Variants in NEBL observed in about 807,000 individuals in gnomAD.
NEBL encodes nebulette.
NEBL carries 122 observed loss-of-function variants against 140.2 expected under a neutral mutation model. The ratio of observed to expected loss-of-function variants is 0.87; its 90% CI spans 0.75 to 1.01. The LOEUF (loss-of-function observed/expected upper bound fraction) is 1.01. Among genes scored for constraint, NEBL ranks in the 50% least tolerant of loss-of-function variants. The pLI, the probability that NEBL is intolerant of heterozygous loss-of-function variation, is 0.00. For missense variants in NEBL, 1,365 were observed against 1,231.3 expected, an observed-to-expected ratio of 1.11 and a Z score of -1.62; for synonymous variants, 436 against 398.9, an observed-to-expected ratio of 1.09 and a Z score of -1.11.
At chr10:20,861,900 A>C (rs936275338) in intron 7 of NEBL, among the ~76,000 whole-genome samples, 4 of 152,198 alleles carry the variant, frequency 2.6e-5, no homozygotes, top group African/African-American at 9.6e-5. Flanking sequence ...TAAGTTAAAA[A>C]TGCACCATAT....
rs371620771 is a variant in NEBL at position 20,888,140 on chromosome 10, A to G, written c.326T>C (p.Ile109Thr). 93 of 1,613,948 alleles carry G rather than the reference A, an allele frequency of 5.8e-5. 2 individuals are homozygous for G. Among genetic ancestry groups the G allele is most frequent in the South Asian group, 3.7e-4 (34 of 91,086 alleles). The change falls in exon 4 of 28, where the codon ATT becomes ACT. Residue 109 changes from isoleucine (I) to threonine (T), a missense_variant. Ile to Thr is a moderately conservative substitution (Grantham distance 89, BLOSUM62 -1). Around this residue, in one of 2 missense-constraint regions of NEBL, gnomAD observed 1,323 missense variants for 1,154.8 expected, o/e 1.15. Transcript: ENST00000377122. ...NSLYKRMPAT[I>T]DSVFAGEVTQ... ...AACTTCTCCTGCAAAAACACTGTCA[A>G]TTGTGGCTGGCATCCGCTTATAAAG...
chr10:21,074,483 C>CTT (rs11345784), intron 2 of NEBL, among the ~76,000 whole-genome samples: 2 of 142,476 alleles, frequency 1.4e-5, no homozygotes, highest in Non-Finnish European at 1.5e-5. Flanking sequence ...GAATTTTTTT[C>CTT]TTTTTTTTTT....
chr10:21,166,113 C>G (rs623634), intron 2 of NEBL, among the ~76,000 whole-genome samples: 143,876 of 151,284 alleles, frequency 0.95, 68,494 homozygotes, highest in East Asian at 1. Flanking sequence ...CCAGCTACTC[C>G]GGAGGCTGAG....
In NEBL at chr10:20,802,768, CTG is replaced by C. The variant is rs1837236397; in HGVS notation, c.2761+5740_2761+5741del. 3.3e-5 allele frequency among the ~76,000 whole-genome samples: 5 copies of C among 152,264 alleles called. No individual in the cohort carries two copies. The South Asian group carries it at 1.0e-3, about 32-fold the overall frequency. On this transcript the variant is annotated intron_variant, in intron 26 of 27. Coordinates refer to ENST00000377122, the MANE Select transcript of NEBL (RefSeq NM_006393.3). ...ACTTACTCGAAAGAAGGAACGAAAA[CTG>C]TGACTCTCATAACTGCCCAAGTACT...
At chr10:20,804,622 G>A (rs552102930) in intron 26 of NEBL, 1 of 152,298 alleles carries the variant, frequency 6.6e-6, no homozygotes, top group Admixed American at 6.5e-5. Context: ...AAATATCTGG[G>A]GTGGCAGAAG....
intron 2 of NEBL, among the ~76,000 whole-genome samples, chr10:21,101,130 T>A (rs1366198065): frequency 1.3e-5 from 2 of 152,190 alleles, no homozygotes; most frequent in Non-Finnish European, 2.9e-5. Context: ...CCTAGCCACA[T>A]GACTCAAGTC....
rs1417415080 is a variant in NEBL, at chr10:21,166,237, AAAAAAAAAGAAAAG to A, written c.164+6132_164+6145del. On this transcript the variant is annotated intron_variant, in intron 2 of 6. Coordinates refer to the NEBL transcript ENST00000417816. ...TGTGTCTCAAAAAAAAAAAAAAAAAAAAAAAAAAGAAAAGAAAAAAAAATTTTCTACATCATGAT... is the reference window on the plus strand; with the variant it reads ...TGTGTCTCAAAAAAAAAAAAAAAAAAAAAAAAAAATTTTCTACATCATGAT... Among the ~76,000 whole-genome samples, 16 of 120,086 alleles carry A rather than the reference AAAAAAAAAGAAAAG, an allele frequency of 1.3e-4. 4 individuals carry two copies. Among genetic ancestry groups the A allele is most frequent in the African/African-American group, 6.7e-4 (16 of 23,976 alleles). 78.8% of individuals were successfully genotyped at this position (120,086 alleles called of 152,430 possible).
chr10:20,810,301 T>G lies in NEBL; in HGVS notation c.2519-403A>C, dbSNP rs117934241. ...AAGCAAAATGTTTGATTATAGTTTC[T>G]GATTCAGGACATGTGAGTAATTCAT... is the stretch of plus-strand genomic sequence containing the variant. On this transcript the variant is annotated intron_variant, in intron 24 of 27. Transcript: ENST00000377122. Among the ~76,000 whole-genome samples the G allele has an allele frequency of 3.1e-3, 467 of 152,322 alleles. 11 individuals are homozygous for G. In the East Asian group the frequency reaches 0.077, roughly 25 times the overall value.
intron 26 of NEBL, among the ~76,000 whole-genome samples, chr10:20,793,811 C>G (rs970684278): frequency 5.3e-5 from 8 of 152,200 alleles, no homozygotes; most frequent in African/African-American, 1.9e-4. Context: ...CCACCTTGGC[C>G]TCCCAAAATG....
chr10:21,241,818 T>C lies in NEBL; in HGVS notation n.348+6103A>G, dbSNP rs771945593. 2.0e-5 allele frequency among the ~76,000 whole-genome samples: 3 copies of C among 152,152 alleles called. No individual in the cohort carries two copies. In the South Asian group the frequency reaches 6.2e-4, roughly 32 times the overall value. On this transcript the variant is annotated intron_variant and non_coding_transcript_variant, in intron 3 of 8. Coordinates refer to the NEBL transcript ENST00000675702. ...TAAAAGACATTAACCTGGTGACACT[T>C]TGTAAAGTCATCAAGTTCTTTATAG... is the stretch of plus-strand genomic sequence containing the variant.
intron 2 of NEBL, among the ~76,000 whole-genome samples, chr10:20,893,228 A>G (rs1453316530): frequency 1.3e-5 from 2 of 152,206 alleles, no homozygotes; most frequent in African/African-American, 4.8e-5. Context: ...ACTCCCCATC[A>G]GAAGACTACT....
At chr10:20,938,056 T>A (rs1834603170) in intron 4 of NEBL, among the ~76,000 whole-genome samples, 1 of 152,140 alleles carries the variant, frequency 6.6e-6, no homozygotes. Context: ...CTCCACAGAC[T>A]TAAATGTCCC....
At chr10:20,886,815 T>C (rs891126090) in intron 4 of NEBL, among the ~76,000 whole-genome samples, 1 of 152,236 alleles carries the variant, frequency 6.6e-6, no homozygotes. Context: ...GAACAACTTC[T>C]GTGTGTTTAC....
At chr10:21,186,849 A>G (rs1211964072) in intron 3 of NEBL, among the ~76,000 whole-genome samples, 2 of 151,968 alleles carry the variant, frequency 1.3e-5, no homozygotes, top group Non-Finnish European at 2.9e-5. Flanking sequence ...GTTATGCTGT[A>G]TTGATTGGAG....
intron 2 of NEBL, among the ~76,000 whole-genome samples, chr10:21,130,018 A>T (rs568134042): frequency 1.3e-5 from 2 of 152,250 alleles, no homozygotes; most frequent in East Asian, 3.9e-4. Context: ...TTTTAAACAC[A>T]AAGTCATATA....
chr10:21,006,442 G>A (rs1188611617), intron 3 of NEBL, among the ~76,000 whole-genome samples: 1 of 152,126 alleles, frequency 6.6e-6, no homozygotes, highest in African/African-American at 2.4e-5. Context: ...ATTGTGCTTA[G>A]AAGGCAGGGA....
At chr10:21,170,867 T>C (rs1841041282) in intron 2 of NEBL, 1 of 152,250 alleles carries the variant, frequency 6.6e-6, no homozygotes, top group African/African-American at 2.4e-5. Flanking sequence ...CAGTATGTAA[T>C]GAAGCATGAA....
chr10:21,106,901 C>T (rs918138764), intron 2 of NEBL, among the ~76,000 whole-genome samples: 2 of 152,164 alleles, frequency 1.3e-5, no homozygotes, highest in Non-Finnish European at 1.5e-5. Context: ...GGGTCCTTCA[C>T]ATCCCTTGTA....
At chr10:20,841,334 A>G (rs1374146549) in intron 12 of NEBL, 1 of 167,292 alleles carries the variant, frequency 6.0e-6, no homozygotes, top group African/African-American at 2.4e-5. Flanking sequence ...AGGTCATTCC[A>G]AAATTATAAG....
Sources: allele counts gnomAD v4.1 joint callset (sites outside exome capture counted in the v4.1 genomes callset), GRCh38; gene constraint gnomAD v4.1.1; regional missense constraint gnomAD v4.1.1; transcripts MANE v1.5; gene names NCBI Gene and HGNC (gene_info 2026-07-23, HGNC 2026-07-21).